Variants in ASAP1 observed in about 807,000 individuals in gnomAD.
The protein encoded by ASAP1 is ArfGAP with SH3 domain, ankyrin repeat and PH domain 1.
Under a neutral mutation model 145.2 loss-of-function variants are expected in ASAP1, and 43 were observed. The ratio of observed to expected loss-of-function variants is 0.30; its 90% CI spans 0.23 to 0.38. ASAP1 has a LOEUF of 0.38. Ranked by LOEUF, ASAP1 falls within the 10% of genes least tolerant of loss-of-function variation. The pLI is 1.00. For synonymous variants in ASAP1, 546 were observed against 515.5 expected (o/e 1.06, Z -0.80); for missense variants, 1,018 against 1,355.3 (o/e 0.75, Z 3.91).
intron 1 of ASAP1, among the ~76,000 whole-genome samples, chr8:130,409,655 C>G (rs1829181177): frequency 6.6e-6 from 1 of 152,164 alleles, no homozygotes; most frequent in South Asian, 2.1e-4. Flanking sequence ...CCTGACAATG[C>G]CGAGGCTGCT....
intron 3 of ASAP1, among the ~76,000 whole-genome samples, chr8:130,344,208 A>T (rs1825562822): frequency 6.6e-6 from 1 of 152,238 alleles, no homozygotes; most frequent in African/African-American, 2.4e-5. Context: ...CCACAGATTA[A>T]AAGAAATTTG....
intron 2 of ASAP1, among the ~76,000 whole-genome samples, chr8:130,390,082 G>C (rs558279863): frequency 6.6e-6 from 1 of 152,248 alleles, no homozygotes; most frequent in South Asian, 2.1e-4. Context: ...GGGAGGGCCT[G>C]AGAATCTGAT....
intron 4 of ASAP1, among the ~76,000 whole-genome samples, chr8:130,225,074 A>G (rs1023820817): frequency 5.9e-5 from 9 of 152,070 alleles, no homozygotes; most frequent in Non-Finnish European, 1.3e-4. Flanking sequence ...TTTGCATTTT[A>G]TTGTCCATTA....
chr8:130,426,208 CTCTT>C (rs1372487722), intron 1 of ASAP1, among the ~76,000 whole-genome samples: 1 of 152,148 alleles, frequency 6.6e-6, no homozygotes, highest in South Asian at 2.1e-4. Flanking sequence ...TCCTCTCTCT[CTCTT>C]TCTCCTGCTC....
intron 15 of ASAP1, among the ~76,000 whole-genome samples, chr8:130,129,546 T>C (rs1284160010): frequency 5.3e-5 from 8 of 152,252 alleles, no homozygotes; most frequent in Admixed American, 4.6e-4. Flanking sequence ...TTTGTTACTA[T>C]ATAGACAGCT....
chr8:130,114,344 C>G (rs747347155), intron 23 of ASAP1, among the ~76,000 whole-genome samples: 2 of 152,158 alleles, frequency 1.3e-5, no homozygotes, highest in Admixed American at 6.5e-5. Flanking sequence ...TTGTAAACAA[C>G]TGTAACACAA....
chr8:130,330,108 C>T (rs895803836), intron 3 of ASAP1, among the ~76,000 whole-genome samples: 1 of 152,160 alleles, frequency 6.6e-6, no homozygotes, highest in Non-Finnish European at 1.5e-5. Flanking sequence ...CACACGTCCC[C>T]AACAAAACAT....
At chr8:130,345,009 C>A (rs1825621485) in intron 3 of ASAP1, among the ~76,000 whole-genome samples, 1 of 152,180 alleles carries the variant, frequency 6.6e-6, no homozygotes, top group Admixed American at 6.5e-5. Flanking sequence ...AAGGGGGAGA[C>A]TGGTTGGCAG....
At chr8:130,088,570 C>T (rs186287202) in intron 25 of ASAP1, among the ~76,000 whole-genome samples, 65 of 152,308 alleles carry the variant, frequency 4.3e-4, no homozygotes, top group African/African-American at 1.4e-3. Flanking sequence ...CTGAGAGAGG[C>T]AAGAAACAGA....
At chr8:130,262,443 A>AAT in intron 3 of ASAP1, among the ~76,000 whole-genome samples, 1 of 124,482 alleles carries the variant, frequency 8.0e-6, no homozygotes, top group Non-Finnish European at 1.7e-5. Flanking sequence ...AGAGAGAGAG[A>AAT]GAGAGAGAGA....
intron 13 of ASAP1, among the ~76,000 whole-genome samples, chr8:130,151,792 G>T (rs1311850783): frequency 6.6e-6 from 1 of 152,210 alleles, no homozygotes; most frequent in East Asian, 1.9e-4. Context: ...AGTGCCCAAG[G>T]GGGCGCTTAC....
At chr8:130,285,840 T>A (rs557268475) in intron 3 of ASAP1, among the ~76,000 whole-genome samples, 1 of 152,316 alleles carries the variant, frequency 6.6e-6, no homozygotes, top group South Asian at 2.1e-4. Flanking sequence ...CACGTTCTGT[T>A]CCTGCTGAGC....
At chr8:130,270,274 T>G (rs74800458) in intron 3 of ASAP1, among the ~76,000 whole-genome samples, 1 of 152,222 alleles carries the variant, frequency 6.6e-6, no homozygotes, top group Non-Finnish European at 1.5e-5. Flanking sequence ...TCCAATAAGA[T>G]GAAACTTTTT....
At chr8:130,344,740 A>C (rs143573394) in intron 3 of ASAP1, among the ~76,000 whole-genome samples, 238 of 152,250 alleles carry the variant, frequency 1.6e-3, no homozygotes, top group African/African-American at 5.5e-3. Flanking sequence ...GCGTCTCTTA[A>C]AAAAACAAAC....
rs1827779547 is a variant in ASAP1, at chr8:130,381,765, CCTG to C, written c.59+20117_59+20119del. On this transcript the variant is annotated intron_variant, in intron 2 of 29. Coordinates refer to ENST00000518721, the MANE Select transcript of ASAP1 (RefSeq NM_018482.4). ...CTTTGTCCTCTCTTCTCACTACAGC[CCTG>C]CTTTTTGTCATTTCTGGAACACACC... Among the ~76,000 whole-genome samples the C allele has an allele frequency of 3.3e-5, 5 of 152,274 alleles. No homozygotes were observed. In the South Asian group the frequency reaches 1.0e-3, roughly 32 times the overall value.
intron 29 of ASAP1, 75 bp from the exon 30 acceptor site, chr8:130,054,880 C>T: frequency 8.4e-7 from 1 of 1,197,602 alleles, no homozygotes; most frequent in Non-Finnish European, 1.2e-6. Context: ...TGGGTAAGAG[C>T]CCAGCCTAGT....
At chr8:130,172,435 A>T (rs13267150) in intron 9 of ASAP1, among the ~76,000 whole-genome samples, 17,655 of 152,120 alleles carry the variant, frequency 0.12, 1,125 homozygotes, top group Non-Finnish European at 0.14. Context: ...TGAAATAAAC[A>T]TTTTTTAAAA....
intron 3 of ASAP1, among the ~76,000 whole-genome samples, chr8:130,341,394 G>C (rs767787345): frequency 4.6e-5 from 7 of 152,204 alleles, no homozygotes; most frequent in Non-Finnish European, 1.0e-4. Flanking sequence ...ACTGCAAGCA[G>C]AGCAGTTAAT....
intron 12 of ASAP1, among the ~76,000 whole-genome samples, chr8:130,154,071 CTGCCA>C (rs2097653159): frequency 6.6e-6 from 1 of 152,044 alleles, no homozygotes; most frequent in South Asian, 2.1e-4. Flanking sequence ...CTCAAGAAGT[CTGCCA>C]TGCAAGGAGC....
Sources: allele counts gnomAD v4.1 joint callset (sites outside exome capture counted in the v4.1 genomes callset), GRCh38; gene constraint gnomAD v4.1.1; transcripts MANE v1.5; gene names NCBI Gene and HGNC (gene_info 2026-07-23, HGNC 2026-07-21).